Variants in SAMD5 observed in about 807,000 individuals in gnomAD.
The protein encoded by SAMD5 is sterile alpha motif domain-containing protein 5.
Under a neutral mutation model 11.3 loss-of-function variants are expected in SAMD5, and 13 were observed. The ratio of observed to expected loss-of-function variants is 1.15; its 90% confidence interval spans 0.75 to 1.83. The LOEUF is 1.83. SAMD5 is among the 40% of genes most tolerant of loss of function. The pLI is 0.00. For synonymous variants in SAMD5, 129 were observed against 111.3 expected (o/e 1.16, Z -1.00); for missense variants, 255 against 239.1 (o/e 1.07, Z -0.44).
chr6:147,865,104 G>A, the SAMD5 span, among the ~76,000 whole-genome samples: 7 of 152,158 alleles, frequency 4.6e-5, no homozygotes, highest in East Asian at 1.3e-3. Flanking sequence ...CTGGGCATCT[G>A]TTGAGGCCAG....
At chr6:147,602,008 T>C (rs972424840) in intron 1 of SAMD5, among the ~76,000 whole-genome samples, 2 of 152,220 alleles carry the variant, frequency 1.3e-5, no homozygotes, top group African/African-American at 4.8e-5. Context: ...ATCTCGTTAG[T>C]ATAACAGCAG....
the SAMD5 span, among the ~76,000 whole-genome samples, chr6:147,897,477 T>C: frequency 6.6e-6 from 1 of 152,116 alleles, no homozygotes; most frequent in African/African-American, 2.4e-5. Flanking sequence ...TTTCTAGCCG[T>C]AACAGCAGGG....
chr6:147,932,473 A>G, the SAMD5 span, among the ~76,000 whole-genome samples: 1 of 152,196 alleles, frequency 6.6e-6, no homozygotes, highest in African/African-American at 2.4e-5. Flanking sequence ...CCTAGCAAAC[A>G]CTGTGAATGG....
rs573356218 is a variant in SAMD5, at chr6:147,611,024, G to A, written c.162+101637G>A. Among the ~76,000 whole-genome samples, 10 of 151,784 alleles carry A rather than the reference G, an allele frequency of 6.6e-5. No homozygotes were observed. In the South Asian group the frequency reaches 1.3e-3, roughly 19 times the overall value. On this transcript the variant is annotated intron_variant, in intron 1 of 1. Coordinates refer to the SAMD5 transcript ENST00000566741. ...AGCTGGGACTACAGGTATATGCCAC[G>A]ACGCCCGGCTAATTTTTGTATTTTT...
intron 1 of SAMD5, among the ~76,000 whole-genome samples, chr6:147,627,539 T>G (rs1790073639): frequency 6.6e-6 from 1 of 152,244 alleles, no homozygotes; most frequent in Admixed American, 6.5e-5. Context: ...CCTCTGTACC[T>G]CTTCCTGCTC....
chr6:147,762,633 G>T, the SAMD5 span, among the ~76,000 whole-genome samples: 1 of 152,206 alleles, frequency 6.6e-6, no homozygotes, highest in African/African-American at 2.4e-5. Flanking sequence ...GAACTTTAGA[G>T]ATCATTGTGT....
At chr6:147,838,436 C>CATTTTA in the SAMD5 span, among the ~76,000 whole-genome samples, 1 of 151,656 alleles carries the variant, frequency 6.6e-6, no homozygotes, top group Non-Finnish European at 1.5e-5. Context: ...GGTAATAATA[C>CATTTTA]TGTTTAATGG....
the SAMD5 span, among the ~76,000 whole-genome samples, chr6:147,939,492 A>T: frequency 6.6e-6 from 1 of 152,196 alleles, no homozygotes; most frequent in Non-Finnish European, 1.5e-5. Flanking sequence ...AAAACAAAAG[A>T]TATTCCTATC....
intron 1 of SAMD5, among the ~76,000 whole-genome samples, chr6:147,709,226 T>G (rs1791364369): frequency 6.6e-6 from 1 of 152,204 alleles, no homozygotes; most frequent in African/African-American, 2.4e-5. Flanking sequence ...TAATTTTGAG[T>G]AATTTCTTAG....
chr6:147,621,169 G>C (rs948951801), intron 1 of SAMD5, among the ~76,000 whole-genome samples: 6 of 152,152 alleles, frequency 3.9e-5, no homozygotes, highest in Non-Finnish European at 8.8e-5. Context: ...CTTCCTGTAT[G>C]CTTTTACATA....
At chr6:147,812,249 A>G in the SAMD5 span, among the ~76,000 whole-genome samples, 1 of 152,168 alleles carries the variant, frequency 6.6e-6, no homozygotes. Flanking sequence ...GTGGTAAGGA[A>G]TGAATGTTGG....
the SAMD5 span, among the ~76,000 whole-genome samples, chr6:147,897,008 G>A: frequency 6.6e-6 from 1 of 152,170 alleles, no homozygotes; most frequent in Non-Finnish European, 1.5e-5. Flanking sequence ...GTTGTCTGGA[G>A]GTGGGATCGG....
chr6:147,577,054 A>T (rs1451707426), intron 1 of SAMD5, among the ~76,000 whole-genome samples: 1 of 152,220 alleles, frequency 6.6e-6, no homozygotes, highest in Non-Finnish European at 1.5e-5. Flanking sequence ...AAATTAAGAA[A>T]ACCAGTAGGC....
the SAMD5 span, among the ~76,000 whole-genome samples, chr6:147,827,999 C>T: frequency 6.6e-6 from 1 of 151,600 alleles, no homozygotes. Context: ...GGGATTTTGC[C>T]GTGGTCTCGA....
rs548349131 is a variant in SAMD5, at chr6:147,509,230, G to A, written c.302G>A (p.Gly101Asp). 3.5e-5 allele frequency: 50 copies of A among 1,428,210 alleles called. No homozygotes were observed. The South Asian group carries it at 7.3e-4, about 21-fold the overall frequency. The allele number at this position is 1,428,210 out of a possible 1,614,324, so 88.5% of individuals were successfully genotyped here. Residue 101 changes from glycine (G) to aspartate (D), a missense_variant, in exon 1 of 2, where the codon GGC (glycine) becomes GAC (aspartate). Transcript: ENST00000367474. ...GGCCGCCGGGGGGAGCCGTGCGGCG[G>A]CCCGGCCCAGGGCACCCGCGGGGAC... ...PTGRRGEPCG[G>D]PAQGTRGDSR...
At chr6:147,925,123 T>A in the SAMD5 span, among the ~76,000 whole-genome samples, 3 of 152,162 alleles carry the variant, frequency 2.0e-5, no homozygotes, top group Non-Finnish European at 4.4e-5. Flanking sequence ...TAACCCCCAA[T>A]GTGTTGGTAT....
At chr6:147,942,673 A>T in the SAMD5 span, among the ~76,000 whole-genome samples, 1 of 152,198 alleles carries the variant, frequency 6.6e-6, no homozygotes, top group South Asian at 2.1e-4. Flanking sequence ...CCAGCTGTAG[A>T]CCCCTAAGGG....
intron 1 of SAMD5, among the ~76,000 whole-genome samples, chr6:147,665,496 A>G (rs1048681150): frequency 1.3e-5 from 2 of 152,218 alleles, no homozygotes; most frequent in Non-Finnish European, 2.9e-5. Context: ...AAGGGACAGG[A>G]GATGAGTGAA....
intron 1 of SAMD5, among the ~76,000 whole-genome samples, chr6:147,563,221 C>T (rs1419426101): frequency 6.6e-6 from 1 of 152,120 alleles, no homozygotes; most frequent in African/African-American, 2.4e-5. Context: ...AACATATTGC[C>T]GTCAGCAGGT....
Sources: gnomAD v4.1 joint callset for allele counts (sites outside exome capture counted in the v4.1 genomes callset) on GRCh38, gnomAD v4.1.1 for gene constraint, MANE v1.5 for transcripts, NCBI Gene and HGNC (gene_info 2026-07-23, HGNC 2026-07-21) for gene names.